LRP1B: variants seen among roughly 807,000 people sequenced by gnomAD.
LRP1B encodes low-density lipoprotein receptor-related protein 1B.
In LRP1B, 217 loss-of-function variants were observed where a neutral mutation model predicts 556.6. The ratio of observed to expected loss-of-function variants is 0.39; its 90% confidence interval spans 0.35 to 0.44. The LOEUF (loss-of-function observed/expected upper bound fraction) is 0.44. Ranked by LOEUF, LRP1B falls within the 20% of genes least tolerant of loss-of-function variation. The probability of loss-of-function intolerance (pLI) is 1.00; values close to 1 mark genes in which losing one functional copy is unlikely to be tolerated. For missense variants in LRP1B, 5,053 were observed against 5,620.8 expected (o/e 0.90, Z 3.23); for synonymous variants, 2,047 against 1,865.8 (o/e 1.10, Z -2.50).
intron 21 of LRP1B, 39 bp downstream of exon 21, chr2:140,922,926 A>G (rs750782395): frequency 3.2e-6 from 5 of 1,581,902 alleles, no homozygotes; most frequent in Admixed American, 1.7e-5. Context: ...CTCCACACTC[A>G]GGGAGACCCA....
intron 3 of LRP1B, among the ~76,000 whole-genome samples, chr2:141,264,735 A>G (rs186817350): frequency 1.3e-5 from 2 of 152,326 alleles, no homozygotes; most frequent in East Asian, 3.9e-4. Context: ...TATTACAGGC[A>G]TGAGCCACTG....
At chr2:140,754,712 C>G in intron 35 of LRP1B, among the ~76,000 whole-genome samples, 1 of 151,206 alleles carries the variant, frequency 6.6e-6, no homozygotes, top group African/African-American at 2.4e-5. Flanking sequence ...CAAATGCCTA[C>G]ATTATACAAG....
At chr2:141,451,031 T>C (rs1447043792) in intron 3 of LRP1B, among the ~76,000 whole-genome samples, 1 of 152,202 alleles carries the variant, frequency 6.6e-6, no homozygotes, top group Admixed American at 6.5e-5. Flanking sequence ...AATTAAAATA[T>C]CTAATGACTA....
intron 3 of LRP1B, among the ~76,000 whole-genome samples, chr2:141,295,486 T>C (rs1447180846): frequency 6.6e-6 from 1 of 152,124 alleles, no homozygotes; most frequent in Non-Finnish European, 1.5e-5. Flanking sequence ...GTCAATGGTC[T>C]GAACTAATTT....
At chr2:140,580,402 T>C (rs775364841) in intron 43 of LRP1B, among the ~76,000 whole-genome samples, 25 of 152,188 alleles carry the variant, frequency 1.6e-4, no homozygotes, top group Non-Finnish European at 3.2e-4. Context: ...GTGTTGCCAA[T>C]TGCAGAAATG....
intron 35 of LRP1B, among the ~76,000 whole-genome samples, chr2:140,733,427 T>C (rs1484203527): frequency 6.6e-6 from 1 of 152,138 alleles, no homozygotes; most frequent in Non-Finnish European, 1.5e-5. Flanking sequence ...AAGGCCAAAG[T>C]ATTATTTTGA....
At chr2:140,872,865 C>A (rs1693183238) in intron 25 of LRP1B, among the ~76,000 whole-genome samples, 1 of 151,704 alleles carries the variant, frequency 6.6e-6, no homozygotes, top group Non-Finnish European at 1.5e-5. Flanking sequence ...AAAAAAAGGT[C>A]TTTATGAATC....
At chr2:141,188,968 T>C (rs1220354127) in intron 6 of LRP1B, among the ~76,000 whole-genome samples, 1 of 151,974 alleles carries the variant, frequency 6.6e-6, no homozygotes, top group East Asian at 1.9e-4. Context: ...ATAAATACCT[T>C]TTCTGAGTGT....
intron 41 of LRP1B, among the ~76,000 whole-genome samples, chr2:140,670,937 C>T (rs887374648): frequency 2.0e-5 from 3 of 152,084 alleles, no homozygotes; most frequent in African/African-American, 4.8e-5. Context: ...AAAGTAAATA[C>T]AGAAATCAGT....
At chr2:141,712,876 C>T (rs1361470943) in intron 2 of LRP1B, among the ~76,000 whole-genome samples, 1 of 126,806 alleles carries the variant, frequency 7.9e-6, no homozygotes, top group African/African-American at 3.0e-5. Flanking sequence ...GATGGGGTGT[C>T]ACCATGTTGG....
rs186056339 is a variant in LRP1B, at chr2:140,750,997, T to C, written c.5758+18216A>G. Among the ~76,000 whole-genome samples, 5 of 147,442 alleles carry C rather than the reference T, an allele frequency of 3.4e-5. No homozygotes were observed. In the East Asian group the frequency reaches 9.9e-4, roughly 29 times the overall value. ...GTTATAACTCTTTTTTTTTCTTTTT[T>C]TTTTTTTTTTTTGAGATGAAGTCTT... On this transcript the variant is annotated intron_variant, in intron 35 of 90. Transcript: ENST00000389484.
At chr2:141,810,149 GAAA>G in intron 2 of LRP1B, 127 bp downstream of exon 2, 1 of 453,980 alleles carries the variant, frequency 2.2e-6, no homozygotes, top group African/African-American at 4.1e-5. Context: ...AAGAAAGAAA[GAAA>G]GAAAGAAAGA....
intron 20 of LRP1B, among the ~76,000 whole-genome samples, chr2:140,934,642 T>C (rs1695150215): frequency 6.6e-6 from 1 of 152,128 alleles, no homozygotes; most frequent in Admixed American, 6.6e-5. Context: ...ACACAGCTTG[T>C]GTGATCCAGA....
At chr2:140,997,318 G>A (rs1573964824) in intron 15 of LRP1B, among the ~76,000 whole-genome samples, 1 of 152,006 alleles carries the variant, frequency 6.6e-6, no homozygotes, top group East Asian at 1.9e-4. Flanking sequence ...GGCAAAAACT[G>A]GCTGGAGTTA....
intron 1 of LRP1B, among the ~76,000 whole-genome samples, chr2:142,050,111 C>T (rs977700509): frequency 6.6e-6 from 1 of 151,984 alleles, no homozygotes; most frequent in Non-Finnish European, 1.5e-5. Context: ...TTAATTTTTT[C>T]CTGTTGAATT....
At chr2:141,313,613 G>A (rs1686892814) in intron 3 of LRP1B, among the ~76,000 whole-genome samples, 1 of 152,098 alleles carries the variant, frequency 6.6e-6, no homozygotes, top group Non-Finnish European at 1.5e-5. Flanking sequence ...ATTGGAATGA[G>A]AAAACATCAG....
chr2:141,681,307 C>T (rs1691094072), intron 2 of LRP1B, among the ~76,000 whole-genome samples: 1 of 151,658 alleles, frequency 6.6e-6, no homozygotes, highest in Non-Finnish European at 1.5e-5. Flanking sequence ...AATAGATATA[C>T]TCTATTGATT....
At chr2:141,865,160 G>A (rs530562224) in intron 1 of LRP1B, among the ~76,000 whole-genome samples, 1 of 152,082 alleles carries the variant, frequency 6.6e-6, no homozygotes, top group South Asian at 2.1e-4. Context: ...ATCTTGTCTC[G>A]CATTTTTGTT....
chr2:141,286,442 G>T (rs560847916), intron 3 of LRP1B, among the ~76,000 whole-genome samples: 6 of 152,188 alleles, frequency 3.9e-5, no homozygotes, highest in African/African-American at 1.4e-4. Flanking sequence ...CAATGTCTCT[G>T]TCAGATCTTG....
Sources: allele counts gnomAD v4.1 joint callset (sites outside exome capture counted in the v4.1 genomes callset), GRCh38; gene constraint gnomAD v4.1.1; transcripts MANE v1.5; gene names NCBI Gene and HGNC (gene_info 2026-07-23, HGNC 2026-07-21).